Variants in UGT1A3 observed in about 807,000 individuals in gnomAD.
The protein encoded by UGT1A3 is UDP glucuronosyltransferase family 1 member A3.
In UGT1A3, 31 loss-of-function variants were observed where a neutral mutation model predicts 41.0. The ratio of observed to expected loss-of-function variants is 0.76; its 90% CI spans 0.57 to 1.02. UGT1A3 has a LOEUF of 1.02. Ranked by LOEUF, UGT1A3 falls within the 50% of genes least tolerant of loss-of-function variation. The pLI is 0.00. For missense variants in UGT1A3, 737 were observed against 671.0 expected (o/e 1.10, Z -1.09); for synonymous variants, 262 against 257.6 (o/e 1.02, Z -0.17).
At chr2:233,744,002 G>C (rs1194406959) in intron 1 of UGT1A3, 1 of 1,192,502 alleles carries the variant, frequency 8.4e-7, no homozygotes, top group Admixed American at 2.7e-5. Flanking sequence ...AGTGCTCGGA[G>C]ACCTGGGCCG....
intron 1 of UGT1A3, among the ~76,000 whole-genome samples, chr2:233,756,671 T>G (rs1269369831): frequency 6.6e-6 from 1 of 152,214 alleles, no homozygotes; most frequent in Admixed American, 6.5e-5. Flanking sequence ...TTATTTCCGC[T>G]AGAACTGCTA....
chr2:233,760,276 A>G (rs1040602725), intron 1 of UGT1A3: 1 of 1,612,606 alleles, frequency 6.2e-7, no homozygotes, highest in South Asian at 1.1e-5. Flanking sequence ...CTCTGGCAGG[A>G]GCAAAGGCGC....
intron 1 of UGT1A3, among the ~76,000 whole-genome samples, chr2:233,733,852 A>G (rs1004381201): frequency 1.3e-5 from 2 of 151,136 alleles, no homozygotes; most frequent in African/African-American, 2.4e-5. Flanking sequence ...CTCTTTTTCT[A>G]TTGATTGGAA....
intron 1 of UGT1A3, among the ~76,000 whole-genome samples, chr2:233,766,812 C>T (rs2126028424): frequency 6.6e-6 from 1 of 152,290 alleles, no homozygotes; most frequent in African/African-American, 2.4e-5. Context: ...GATTTTGCAT[C>T]TCAAGGATAA....
intron 1 of UGT1A3, chr2:233,755,367 G>A: frequency 2.8e-6 from 1 of 362,114 alleles, no homozygotes; most frequent in Non-Finnish European, 5.3e-6. Context: ...TGGGCCGCCT[G>A]GAGGGCCGCC....
rs1699778109 is a variant in UGT1A3 at position 233,769,042 on chromosome 2, T to C, written c.1307+603T>C. Reference sequence around the variant, plus strand: ...AAAAGTTGCCATAATAGACATCTGATCCATAAGTTTCCTGCACAGAAAGAA... The same window carrying C: ...AAAAGTTGCCATAATAGACATCTGACCCATAAGTTTCCTGCACAGAAAGAA... On this transcript the variant is annotated intron_variant, in intron 4 of 4. Transcript: ENST00000482026. This position sits in a 1 kb window ranked among gnomAD's most constrained non-coding sequence, Gnocchi z 4.4. 1.3e-5 allele frequency among the ~76,000 whole-genome samples: 2 copies of C among 152,190 alleles called. No individual in the cohort carries two copies. The highest frequency in any genetic ancestry group is 2.9e-5 in the Non-Finnish European group (2 of 68,040).
chr2:233,757,895 TC>T (rs374634919), intron 1 of UGT1A3, among the ~76,000 whole-genome samples: 2 of 152,016 alleles, frequency 1.3e-5, no homozygotes, highest in Non-Finnish European at 2.9e-5. Context: ...AGAAACACTT[TC>T]CATGGACGTG....
chr2:233,749,865 C>A (rs113837567), intron 1 of UGT1A3, among the ~76,000 whole-genome samples: 3 of 152,004 alleles, frequency 2.0e-5, no homozygotes, highest in African/African-American at 7.3e-5. Context: ...CACTTTCTGC[C>A]AGGATTATAA....
rs997006332 is a variant in UGT1A3, at chr2:233,773,053, G to C, written c.*494G>C. 2 of 178,736 alleles carry C rather than the reference G, an allele frequency of 1.1e-5. No individual in the cohort carries two copies. The highest frequency in any genetic ancestry group is 4.8e-5 in the African/African-American group (2 of 42,000). The allele number at this position is 178,736 out of a possible 1,614,324, so 11.1% of individuals were successfully genotyped here. ...AAAGAAGGGAAGCTTTGTACCTTTA[G>C]AGTGTAGGTGAAATGAATGAATGGC... On this transcript the variant is annotated 3_prime_UTR_variant, in exon 5 of 5. Coordinates refer to ENST00000482026, the MANE Select transcript of UGT1A3 (RefSeq NM_019093.4).
At position 233,769,774 on chromosome 2, in the gene UGT1A3, G is replaced by C; in HGVS notation, c.1307+1335G>C. The C allele has an allele frequency of 7.3e-7, 1 of 1,375,358 alleles. No homozygotes were observed. Among genetic ancestry groups the C allele is most frequent in the Non-Finnish European group, 9.5e-7 (1 of 1,052,824 alleles). 85.2% of individuals were successfully genotyped at this position (1,375,358 alleles called of 1,614,324 possible). ...GGAGGCTAAGGCGGGAGGATTGCTT[G>C]AGCCCAGAAGTTGGAGGCTGCTATG... On this transcript the variant is annotated intron_variant, in intron 4 of 4. Transcript: ENST00000482026. This position sits in a 1 kb window ranked among gnomAD's most constrained non-coding sequence, Gnocchi z 4.4.
At chr2:233,751,205 G>C (rs1471569540) in intron 1 of UGT1A3, among the ~76,000 whole-genome samples, 1 of 151,980 alleles carries the variant, frequency 6.6e-6, no homozygotes, top group East Asian at 1.9e-4. Context: ...TAATTTTGGA[G>C]CTTTAAGATT....
In UGT1A3 at chr2:233,772,754, T is replaced by G; in HGVS notation, c.*195T>G. ...GCTAGTCAGTAAAGATATTTGAATA[T>G]GTATCGTGCCCCCTCTGGTGTCTTT... On this transcript the variant is annotated 3_prime_UTR_variant, in exon 5 of 5. Transcript: ENST00000482026. 1 of 1,409,478 alleles carries G rather than the reference T, an allele frequency of 7.1e-7. No homozygotes were observed. Among genetic ancestry groups the G allele is most frequent in the South Asian group, 1.5e-5 (1 of 66,636 alleles). 87.3% of individuals were successfully genotyped at this position (1,409,478 alleles called of 1,614,324 possible). A position where few individuals can be genotyped will look rare whatever the true frequency, so the allele number is the denominator to read the frequency against.
intron 1 of UGT1A3, among the ~76,000 whole-genome samples, chr2:233,733,605 C>T (rs2125780479): frequency 6.6e-6 from 1 of 152,304 alleles, no homozygotes; most frequent in East Asian, 1.9e-4. Flanking sequence ...TGATGGATTA[C>T]ATTTATTGAT....
In UGT1A3 at chr2:233,729,115, T is replaced by G. The variant is rs376445258; in HGVS notation, c.-12T>G. 49 of 1,612,840 alleles carry G rather than the reference T, an allele frequency of 3.0e-5. No individual in the cohort carries two copies. The highest frequency in any genetic ancestry group is 3.5e-5 in the Non-Finnish European group (41 of 1,179,930). The stretch of plus-strand genomic sequence containing the variant: ...TGGGGTGGACAGTCAGCTGTCCGTG[T>G]CTTCTGCTGAGATGGCCACAGGACT... On this transcript the variant is annotated 5_prime_UTR_variant, in exon 1 of 5. Transcript: ENST00000482026.
intron 1 of UGT1A3, chr2:233,761,084 G>A: frequency 6.2e-7 from 1 of 1,614,126 alleles, no homozygotes; most frequent in Non-Finnish European, 8.5e-7. Context: ...GATTACCCTA[G>A]GCCCATCATG....
At chr2:233,736,941 G>A (rs2125804674) in intron 1 of UGT1A3, among the ~76,000 whole-genome samples, 1 of 152,244 alleles carries the variant, frequency 6.6e-6, no homozygotes, top group East Asian at 1.9e-4. Context: ...ACCTATATGA[G>A]GTGTCTGTTG....
chr2:233,730,800 A>G (rs1400494303), intron 1 of UGT1A3, among the ~76,000 whole-genome samples: 1 of 152,180 alleles, frequency 6.6e-6, no homozygotes, highest in Non-Finnish European at 1.5e-5. Context: ...TGATGAATGG[A>G]CATGCGTCCA....
intron 1 of UGT1A3, among the ~76,000 whole-genome samples, chr2:233,749,703 T>C (rs1694254740): frequency 1.3e-5 from 2 of 151,790 alleles, no homozygotes; most frequent in Non-Finnish European, 2.9e-5. Flanking sequence ...TGGGAGGTGA[T>C]TGGATCATGG....
intron 1 of UGT1A3, chr2:233,755,317 G>T: frequency 3.8e-6 from 2 of 525,706 alleles, no homozygotes; most frequent in Non-Finnish European, 6.2e-6. Flanking sequence ...CGAGCGGCAA[G>T]GCTGCCAGCA....
Sources: gnomAD v4.1 joint callset for allele counts (sites outside exome capture counted in the v4.1 genomes callset) on GRCh38, gnomAD v4.1.1 for gene constraint, Gnocchi (gnomAD v3.1) non-coding constraint, MANE v1.5 for transcripts, NCBI Gene and HGNC (gene_info 2026-07-23, HGNC 2026-07-21) for gene names.